Variants in PGM5 observed in about 807,000 individuals in gnomAD.
The protein encoded by PGM5 is phosphoglucomutase 5.
Under a neutral mutation model 59.2 loss-of-function variants are expected in PGM5, and 23 were observed. The ratio of observed to expected loss-of-function variants is 0.39; its 90% CI spans 0.28 to 0.55. The LOEUF is 0.55. PGM5 is among the 20% of genes least tolerant of loss of function. PGM5 has a pLI of 0.66. For missense variants in PGM5, 574 were observed against 748.3 expected (o/e 0.77, Z 2.72); for synonymous variants, 214 against 286.0 (o/e 0.75, Z 2.54).
At chr9:68,471,377 T>C (rs901874961) in intron 7 of PGM5, among the ~76,000 whole-genome samples, 14 of 152,130 alleles carry the variant, frequency 9.2e-5, no homozygotes, top group African/African-American at 3.4e-4. Flanking sequence ...ATCTGCATTC[T>C]AGGAGACTAC....
chr9:68,445,924 C>T lies in PGM5; in HGVS notation c.1044-19169C>T, dbSNP rs540909631. ...AGTGCCTTTTAAAAGTAATCAGTTTCGCATCAAGGTGTTCCTTACAGACAT... is the reference window on the plus strand; with the variant it reads ...AGTGCCTTTTAAAAGTAATCAGTTTTGCATCAAGGTGTTCCTTACAGACAT... On this transcript the variant is annotated intron_variant, in intron 6 of 10. Coordinates refer to ENST00000396396, the MANE Select transcript of PGM5 (RefSeq NM_021965.4). Among the ~76,000 whole-genome samples the T allele has an allele frequency of 8.5e-5, 13 of 152,302 alleles. No individual in the cohort carries two copies. The East Asian group carries it at 1.7e-3, about 20-fold the overall frequency.
intron 6 of PGM5, among the ~76,000 whole-genome samples, chr9:68,409,051 C>A (rs200076144): frequency 2.0e-5 from 3 of 151,954 alleles, no homozygotes; most frequent in African/African-American, 7.3e-5. Flanking sequence ...ATTGACTTGG[C>A]GATGCGGGCT....
At chr9:68,372,291 G>C (rs113963242) in intron 1 of PGM5, among the ~76,000 whole-genome samples, 10,929 of 149,870 alleles carry the variant, frequency 0.073, 518 homozygotes, top group Middle Eastern at 0.2. Flanking sequence ...GCCTCTTCCA[G>C]CTTCTGGCAG....
intron 6 of PGM5, among the ~76,000 whole-genome samples, chr9:68,453,931 G>A (rs1475507740): frequency 6.6e-6 from 1 of 152,240 alleles, no homozygotes; most frequent in African/African-American, 2.4e-5. Flanking sequence ...TGGAAAGTAA[G>A]GAAGCGGCCT....
chr9:68,525,092 A>G lies in PGM5; in HGVS notation c.1615-4475A>G, dbSNP rs1824951454. On this transcript the variant is annotated intron_variant, in intron 10 of 10. Coordinates refer to ENST00000396396, the MANE Select transcript of PGM5 (RefSeq NM_021965.4). ...CCAGGAAAATTAACTCCCACCCACC[A>G]TGAGGCATGGTCGATGACATGAGAG... is the stretch of plus-strand genomic sequence containing the variant. Among the ~76,000 whole-genome samples the G allele has an allele frequency of 2.6e-5, 4 of 151,978 alleles. No homozygotes were observed. In the South Asian group the frequency reaches 8.3e-4, roughly 32 times the overall value.
intron 4 of PGM5, among the ~76,000 whole-genome samples, chr9:68,388,447 C>T (rs1822283963): frequency 6.6e-6 from 1 of 150,728 alleles, no homozygotes; most frequent in Non-Finnish European, 1.5e-5. Context: ...GCTCTCTGAG[C>T]ATGCTGTCAT....
At chr9:68,390,398 C>G (rs528997529) in intron 4 of PGM5, among the ~76,000 whole-genome samples, 1 of 152,088 alleles carries the variant, frequency 6.6e-6, no homozygotes, top group Non-Finnish European at 1.5e-5. Context: ...AGATGGAGGA[C>G]GCTGATTGCG....
intron 6 of PGM5, among the ~76,000 whole-genome samples, chr9:68,415,812 T>TATCTATCTATCA: frequency 7.7e-6 from 1 of 129,292 alleles, no homozygotes; most frequent in African/African-American, 2.8e-5. Flanking sequence ...TCTATCTATC[T>TATCTATCTATCA]ATCTTATCTA....
intron 6 of PGM5, among the ~76,000 whole-genome samples, chr9:68,441,959 A>G (rs1234499995): frequency 6.6e-6 from 1 of 152,216 alleles, no homozygotes; most frequent in Non-Finnish European, 1.5e-5. Flanking sequence ...GAAAAAAGCA[A>G]TACTATTTAG....
At chr9:68,408,758 G>C (rs1554681366) in intron 6 of PGM5, among the ~76,000 whole-genome samples, 1 of 152,140 alleles carries the variant, frequency 6.6e-6, no homozygotes, top group Non-Finnish European at 1.5e-5. Flanking sequence ...TGTATAAGGT[G>C]TAAGGAAGGG....
At chr9:68,441,662 C>G (rs1823530647) in intron 6 of PGM5, among the ~76,000 whole-genome samples, 1 of 152,116 alleles carries the variant, frequency 6.6e-6, no homozygotes, top group Non-Finnish European at 1.5e-5. Context: ...TAGTAAAAGA[C>G]TGAACACCTT....
chr9:68,526,283 G>C (rs1355212513), intron 10 of PGM5, among the ~76,000 whole-genome samples: 48 of 152,334 alleles, frequency 3.2e-4, no homozygotes, highest in East Asian at 3.9e-4. Flanking sequence ...GAAGGCAGAT[G>C]ACTCCATGGC....
intron 7 of PGM5, 71 bp downstream of exon 7, chr9:68,465,279 G>A: frequency 2.0e-6 from 2 of 1,013,498 alleles, no homozygotes; most frequent in Non-Finnish European, 3.1e-6. Context: ...TTGGAGATCT[G>A]TGAACTTTCT....
intron 9 of PGM5, among the ~76,000 whole-genome samples, chr9:68,487,463 T>TACAC (rs67566624): frequency 0.09 from 12,719 of 141,758 alleles, 668 homozygotes; most frequent in East Asian, 0.28. Context: ...CACACGCACA[T>TACAC]ACACACACAC....
chr9:68,462,152 G>T (rs2132077320), intron 6 of PGM5, among the ~76,000 whole-genome samples: 1 of 152,120 alleles, frequency 6.6e-6, no homozygotes, highest in Non-Finnish European at 1.5e-5. Flanking sequence ...TGTGGCCCAG[G>T]TTACCTTTCT....
Position 68,530,616 on chromosome 9 carries a change from G to C in PGM5, c.*960G>C, listed in dbSNP as rs1825064373. ...CTTATTTGTAAAGGCTGCAAAAGGA[G>C]AGGATGAAATGCTGTAAAAGTAGGA... On this transcript the variant is annotated 3_prime_UTR_variant, in exon 11 of 11. Coordinates refer to ENST00000396396, the MANE Select transcript of PGM5 (RefSeq NM_021965.4). The C allele has an allele frequency of 6.6e-6, 1 of 152,238 alleles. No homozygotes were observed. Among genetic ancestry groups the C allele is most frequent in the South Asian group, 2.1e-4 (1 of 4,824 alleles). 9.4% of individuals were successfully genotyped at this position (152,238 alleles called of 1,614,324 possible).
intron 1 of PGM5, among the ~76,000 whole-genome samples, chr9:68,375,220 A>C (rs1821847650): frequency 4.6e-5 from 7 of 152,226 alleles, no homozygotes. Flanking sequence ...GAAGTCACAC[A>C]CAATCACTTC....
intron 7 of PGM5, among the ~76,000 whole-genome samples, chr9:68,477,817 C>G (rs782135251): frequency 1.3e-5 from 2 of 152,158 alleles, no homozygotes; most frequent in African/African-American, 4.8e-5. Context: ...GGGGTAGGGG[C>G]TGTTATTGTC....
At chr9:68,380,720 A>C (rs1822047881) in intron 2 of PGM5, among the ~76,000 whole-genome samples, 1 of 151,918 alleles carries the variant, frequency 6.6e-6, no homozygotes, top group African/African-American at 2.4e-5. Context: ...AAGCAGACTC[A>C]AATAAATAAA....
Sources: gnomAD v4.1 joint callset for allele counts (sites outside exome capture counted in the v4.1 genomes callset) on GRCh38, gnomAD v4.1.1 for gene constraint, MANE v1.5 for transcripts, NCBI Gene and HGNC (gene_info 2026-07-23, HGNC 2026-07-21) for gene names.